RNF216: variants seen among roughly 807,000 people sequenced by gnomAD.
The protein encoded by RNF216 is ring finger protein 216, also known as E3 ubiquitin-protein ligase RNF216.
A neutral mutation model predicts 110.8 loss-of-function variants in RNF216; 72 were observed. That is an observed-to-expected ratio of 0.65 (90% CI 0.54 to 0.79). The LOEUF (loss-of-function observed/expected upper bound fraction) is 0.79, where lower values mean the gene tolerates loss of function less well. RNF216 is among the 30% of genes least tolerant of loss of function. The pLI, the probability that RNF216 is intolerant of heterozygous loss-of-function variation, is 0.00. For missense variants in RNF216, 1,342 were observed against 1,141.2 expected (o/e 1.18, Z -2.54); for synonymous variants, 495 against 407.5 (o/e 1.21, Z -2.59).
chr7:5,729,983 G>T (rs1013519727), intron 6 of RNF216, among the ~76,000 whole-genome samples: 42 of 152,158 alleles, frequency 2.8e-4, no homozygotes, highest in East Asian at 7.7e-4. Flanking sequence ...AACCATACTT[G>T]ACCATATAAC....
chr7:5,633,973 A>C (rs996912026), intron 15 of RNF216, among the ~76,000 whole-genome samples: 12 of 152,370 alleles, frequency 7.9e-5, no homozygotes, highest in African/African-American at 2.9e-4. Context: ...AAACGAAGAA[A>C]GAGAAACTAT....
At chr7:5,663,335 C>T (rs1789272984) in intron 13 of RNF216, among the ~76,000 whole-genome samples, 1 of 152,246 alleles carries the variant, frequency 6.6e-6, no homozygotes, top group South Asian at 2.1e-4. Flanking sequence ...AATCCCAGCA[C>T]TTTGGGAGGC....
intron 13 of RNF216, among the ~76,000 whole-genome samples, chr7:5,691,440 T>C (rs921354862): frequency 1.3e-5 from 2 of 150,366 alleles, no homozygotes; most frequent in African/African-American, 2.5e-5. Context: ...AATGCGTAAG[T>C]GTACAAGAGA....
At chr7:5,773,087 T>C (rs1326168427) in intron 1 of RNF216, among the ~76,000 whole-genome samples, 7 of 152,018 alleles carry the variant, frequency 4.6e-5, no homozygotes, top group Non-Finnish European at 4.4e-5. Flanking sequence ...GCCCCAGGTA[T>C]TCCCACTTTT....
chr7:5,638,211 T>C (rs538932518), intron 15 of RNF216, among the ~76,000 whole-genome samples: 1 of 152,358 alleles, frequency 6.6e-6, no homozygotes, highest in East Asian at 1.9e-4. Flanking sequence ...TCCTGTTTCT[T>C]TTCTTCCATG....
At chr7:5,736,345 C>T (rs1343305808) in intron 5 of RNF216, among the ~76,000 whole-genome samples, 2 of 152,216 alleles carry the variant, frequency 1.3e-5, no homozygotes, top group Admixed American at 6.5e-5. Context: ...TGGTCTCCAG[C>T]TCCTAACCGG....
chr7:5,768,550 C>G (rs1466731802), intron 1 of RNF216, among the ~76,000 whole-genome samples: 1 of 152,060 alleles, frequency 6.6e-6, no homozygotes, highest in Non-Finnish European at 1.5e-5. Context: ...ACAAAACAGA[C>G]TGTATGCCAT....
Position 5,623,169 on chromosome 7 carries a change from G to C in RNF216, c.2463C>G (p.Phe821Leu). 1 of 1,555,620 alleles carries C rather than the reference G, an allele frequency of 6.4e-7. No individual in the cohort carries two copies. Among genetic ancestry groups the C allele is most frequent in the East Asian group, 2.3e-5 (1 of 44,074 alleles). ...TCTCCAGCGGGGGTCCAATGCGTTT[G>C]AAGGTGTTCTCTGAAAGGGATGTGG... ...EQKRKNGENT[F>L]KRIGPPLEKP... is the part of the protein sequence containing the mutation. The change falls in exon 17 of 17, where the codon TTC becomes TTG. Residue 821 changes from phenylalanine (F) to leucine (L), a missense_variant. By Grantham distance (22) the Phe-to-Leu change is conservative. Transcript: ENST00000389902.
At chr7:5,694,794 C>T (rs1452911752) in intron 13 of RNF216, among the ~76,000 whole-genome samples, 2 of 152,212 alleles carry the variant, frequency 1.3e-5, no homozygotes, top group East Asian at 1.9e-4. Flanking sequence ...AGAAATTTTA[C>T]AGCCACTCTC....
chr7:5,721,306 T>C (rs887359344), intron 8 of RNF216, 134 bp from the exon 9 acceptor site: 2 of 789,034 alleles, frequency 2.5e-6, no homozygotes, highest in Non-Finnish European at 4.0e-6. Context: ...TCTATCACAT[T>C]CTACCATTTG....
intron 3 of RNF216, among the ~76,000 whole-genome samples, chr7:5,748,686 A>C (rs1795174199): frequency 1.3e-5 from 2 of 151,452 alleles, no homozygotes. Context: ...CATGTTAACC[A>C]TGTTATTGGT....
intron 1 of RNF216, among the ~76,000 whole-genome samples, chr7:5,764,414 G>GAGGAGAGCGGATCACTTGA (rs1324807604): frequency 3.9e-5 from 6 of 152,214 alleles, no homozygotes; most frequent in Non-Finnish European, 7.4e-5. Flanking sequence ...CTGGGAGGCT[G>GAGGAGAGCGGATCACTTGA]AGGAGAGCGG....
intron 14 of RNF216, among the ~76,000 whole-genome samples, chr7:5,643,167 T>C (rs888906570): frequency 6.6e-6 from 1 of 152,066 alleles, no homozygotes; most frequent in South Asian, 2.1e-4. Context: ...AGCTATTCAA[T>C]ATTGCTGAAA....
At chr7:5,642,494 T>G (rs997737816) in intron 14 of RNF216, among the ~76,000 whole-genome samples, 1 of 149,064 alleles carries the variant, frequency 6.7e-6, no homozygotes, top group African/African-American at 2.5e-5. Context: ...GGATTACAAG[T>G]GTGAGCCACT....
chr7:5,677,582 A>G (rs1790383835), intron 13 of RNF216, among the ~76,000 whole-genome samples: 1 of 152,190 alleles, frequency 6.6e-6, no homozygotes, highest in African/African-American at 2.4e-5. Context: ...GGGCTTAACC[A>G]TTTGTCTGTC....
chr7:5,682,142 C>CCA (rs1417536905), intron 13 of RNF216, among the ~76,000 whole-genome samples: 1 of 152,226 alleles, frequency 6.6e-6, no homozygotes, highest in Non-Finnish European at 1.5e-5. Flanking sequence ...CTAGGAAAAA[C>CCA]CGTTGGCTTT....
At chr7:5,721,461 A>G (rs1202568056) in intron 8 of RNF216, among the ~76,000 whole-genome samples, 2 of 152,126 alleles carry the variant, frequency 1.3e-5, no homozygotes, top group Non-Finnish European at 2.9e-5. Context: ...TTTATTATCT[A>G]TTTCACTACT....
In RNF216 at chr7:5,630,656, G is replaced by A. The variant is rs536370118; in HGVS notation, c.2383-6531C>T. On this transcript the variant is annotated intron_variant, in intron 15 of 16. Transcript: ENST00000389902. ...CATCCTCCCACCTCCGCCTCCCAAA[G>A]TGCAGGGATTACAGGTGTGAGCCAC... Among the ~76,000 whole-genome samples, 59 of 152,284 alleles carry A rather than the reference G, an allele frequency of 3.9e-4. No individual in the cohort carries two copies. The East Asian group carries it at 0.01, about 27-fold the overall frequency.
chr7:5,682,531 C>G (rs1468223816), intron 13 of RNF216, among the ~76,000 whole-genome samples: 1 of 151,984 alleles, frequency 6.6e-6, no homozygotes. Flanking sequence ...CCTCAGCCAC[C>G]CGAGTAGCTG....
Sources: gnomAD v4.1 joint callset for allele counts (sites outside exome capture counted in the v4.1 genomes callset) on GRCh38, gnomAD v4.1.1 for gene constraint, MANE v1.5 for transcripts, NCBI Gene and HGNC (gene_info 2026-07-23, HGNC 2026-07-21) for gene names.